Variants in CARD14 observed in about 807,000 individuals in gnomAD.
The protein encoded by CARD14 is caspase recruitment domain family member 14.
In CARD14, 107 loss-of-function variants were observed where a neutral mutation model predicts 111.5. That is an observed-to-expected ratio of 0.96 (90% CI 0.82 to 1.13). The LOEUF (loss-of-function observed/expected upper bound fraction) is 1.13. CARD14 is among the 50% of genes most tolerant of loss of function. The probability of loss-of-function intolerance (pLI) is 0.00; values close to 1 mark genes in which losing one functional copy is unlikely to be tolerated. For synonymous variants in CARD14, 617 were observed against 579.6 expected, an observed-to-expected ratio of 1.06 and a Z score of -0.93; for missense variants, 1,322 against 1,362.3, an observed-to-expected ratio of 0.97 and a Z score of 0.47.
At position 80,195,727 on chromosome 17, in the gene CARD14, G is replaced by A. The variant is rs1377544651; in HGVS notation, c.1594+75G>A. On this transcript the variant is annotated intron_variant, in intron 14 of 23. Coordinates refer to ENST00000648509, the MANE Select transcript of CARD14 (RefSeq NM_001366385.1). The surrounding 1 kb of genome is among the most constrained non-coding windows in gnomAD (Gnocchi z 4.7). ...AGAGCAGGGAGCTGATGAGAAAGCC[G>A]GGGCCTCTCTCCAGGGAAAGGGCAG... The A allele has an allele frequency of 2.6e-5, 33 of 1,258,934 alleles. No individual in the cohort carries two copies. Among genetic ancestry groups the A allele is most frequent in the South Asian group, 1.2e-4 (9 of 75,554 alleles). The allele number at this position is 1,258,934 out of a possible 1,614,324, so 78.0% of individuals were successfully genotyped here. A position where few individuals can be genotyped will look rare whatever the true frequency, so the allele number is the denominator to read the frequency against.
chr17:80,191,308 C>G lies in CARD14; in HGVS notation c.1090-15C>G, dbSNP rs377287985. 2 of 1,602,792 alleles carry G rather than the reference C, an allele frequency of 1.2e-6. No homozygotes were observed. The highest frequency in any genetic ancestry group is 1.7e-6 in the Non-Finnish European group (2 of 1,170,804). On this transcript the variant is annotated splice_polypyrimidine_tract_variant and intron_variant, in intron 10 of 23. Transcript: ENST00000648509. ...GGTGATGGCGCGGCCTCCTTACTCC[C>G]GTCGTGGCCCACAGGCGTACTCCGC...
At position 80,195,490 on chromosome 17, in the gene CARD14, C is replaced by A; in HGVS notation, c.1500-68C>A. On this transcript the variant is annotated intron_variant, in intron 13 of 23. Transcript: ENST00000648509. The surrounding 1 kb of genome is among the most constrained non-coding windows in gnomAD (Gnocchi z 4.7). ...AGCTGGCAGGTGCTGGGGGCCAGTG[C>A]TTGGGGCGTGGGGACTCAGAGGGAG... 6.5e-7 allele frequency: 1 copy of A among 1,529,370 alleles called. No homozygotes were observed. 94.7% of individuals were successfully genotyped at this position (1,529,370 alleles called of 1,614,324 possible).
chr17:80,208,423 C>G lies in CARD14; in HGVS notation c.*78C>G. On this transcript the variant is annotated 3_prime_UTR_variant, in exon 24 of 24. Coordinates refer to ENST00000648509, the MANE Select transcript of CARD14 (RefSeq NM_001366385.1). ...AGTCCTGTTCCTCAGCCCAGGCCCTCTTGGCACAGCTGTGGGCTCCTTGGC... is the reference window on the plus strand; with the variant it reads ...AGTCCTGTTCCTCAGCCCAGGCCCTGTTGGCACAGCTGTGGGCTCCTTGGC... 1 of 1,326,116 alleles carries G rather than the reference C, an allele frequency of 7.5e-7. No homozygotes were observed. Among genetic ancestry groups the G allele is most frequent in the Non-Finnish European group, 1.0e-6 (1 of 980,250 alleles). 82.1% of individuals were successfully genotyped at this position (1,326,116 alleles called of 1,614,324 possible).
rs1024390689 is a variant in CARD14, at chr17:80,182,531, C to G, written c.212-122C>G. 4.2e-6 allele frequency: 5 copies of G among 1,201,076 alleles called. No homozygotes were observed. The African/African-American group carries it at 7.7e-5, about 18-fold the overall frequency. The allele number at this position is 1,201,076 out of a possible 1,614,324, so 74.4% of individuals were successfully genotyped here. A position where few individuals can be genotyped will look rare whatever the true frequency, so the allele number is the denominator to read the frequency against. On this transcript the variant is annotated intron_variant, in intron 5 of 23. Coordinates refer to ENST00000648509, the MANE Select transcript of CARD14 (RefSeq NM_001366385.1). This position sits in a 1 kb window ranked among gnomAD's most constrained non-coding sequence, Gnocchi z 4.7. ...AACCCAGAAAACCGCTTTCACCTCC[C>G]GATTCTTACATGTGCGGGGGGTTTC...
intron 2 of CARD14, among the ~76,000 whole-genome samples, chr17:80,176,919 C>T (rs1389678942): frequency 6.6e-6 from 1 of 152,158 alleles, no homozygotes; most frequent in East Asian, 1.9e-4. Flanking sequence ...TGGAGATGGA[C>T]GGACAATTTC....
intron 23 of CARD14, 111 bp from the exon 24 acceptor site, chr17:80,208,027 G>A (rs540795217): frequency 1.7e-5 from 13 of 758,564 alleles, no homozygotes; most frequent in East Asian, 1.1e-4. Context: ...CCCTCAAAGC[G>A]AGGCCACCTG....
At position 80,203,826 on chromosome 17, in the gene CARD14, C is replaced by T; in HGVS notation, c.2224C>T (p.Gln742Ter). ...HGTIPNYSRAQQQLIALIQDM... is the reference protein window; with the variant it reads ...HGTIPNYSRA ...GGCCTCTGCTGGTCTCTGCAGGGCT[C>T]AGCAGCAGCTCATAGCCCTCATCCA... The change falls in exon 19 of 24, where the codon CAG becomes TAG. Residue 742 changes from glutamine to a stop codon, truncating the protein, a stop_gained. Transcript: ENST00000648509. LOFTEE classifies it high-confidence loss of function. The surrounding 1 kb of genome is among the most constrained non-coding windows in gnomAD (Gnocchi z 4.6). 1 of 1,576,968 alleles carries T rather than the reference C, an allele frequency of 6.3e-7. No individual in the cohort carries two copies.
In CARD14 at chr17:80,208,582, T is replaced by C. The variant is rs139108944; in HGVS notation, c.*237T>C. On this transcript the variant is annotated 3_prime_UTR_variant, in exon 24 of 24. Coordinates refer to ENST00000648509, the MANE Select transcript of CARD14 (RefSeq NM_001366385.1). ...TCTTCACCCTTTACCAGGCTTGGCA[T>C]GGTCTGAACTGGAAACCCTGAGAAT... The C allele has an allele frequency of 1.1e-5, 5 of 460,772 alleles. No homozygotes were observed. Among genetic ancestry groups the C allele is most frequent in the Admixed American group, 8.2e-5 (2 of 24,522 alleles). 28.5% of individuals were successfully genotyped at this position (460,772 alleles called of 1,614,324 possible). A position where few individuals can be genotyped will look rare whatever the true frequency, so the allele number is the denominator to read the frequency against.
Position 80,181,465 on chromosome 17 carries a change from C to G in CARD14, c.27C>G (p.Ser9=). The stretch of plus-strand genomic sequence containing the variant: ...TGGGGGAACTGTGCCGCAGGGACTC[C>G]GCACTCACGGCACTGGACGAGGAGA... MGELCRRD[S]ALTALDEETL... Residue 9 remains serine (S), a synonymous_variant, in exon 5 of 24, where the codon TCC becomes TCG. Transcript: ENST00000648509. 1 of 1,581,784 alleles carries G rather than the reference C, an allele frequency of 6.3e-7. No individual in the cohort carries two copies. The highest frequency in any genetic ancestry group is 8.6e-7 in the Non-Finnish European group (1 of 1,163,750).
rs971020345 is a variant in CARD14, at chr17:80,188,416, G to A, written c.715G>A (p.Val239Ile). Reference sequence around the variant, plus strand: ...GCAGGAGCTGCAGCGAGCCAACATGGTTTCCTCCTGTGAGCTGGAATTGCA... The same window carrying A: ...GCAGGAGCTGCAGCGAGCCAACATGATTTCCTCCTGTGAGCTGGAATTGCA... Reference protein sequence around the residue: ...LKQELQRANMVSSCELELQEQ... With the variant: ...LKQELQRANMISSCELELQEQ... The change falls in exon 8 of 24, where the codon GTT becomes ATT. Residue 239 changes from valine to isoleucine, a missense_variant. By Grantham distance (29) the Val-to-Ile change is conservative. Transcript: ENST00000648509. This position sits in a 1 kb window ranked among gnomAD's most constrained non-coding sequence, Gnocchi z 4.5. 2 of 1,610,404 alleles carry A rather than the reference G, an allele frequency of 1.2e-6. No individual in the cohort carries two copies. The highest frequency in any genetic ancestry group is 1.1e-5 in the South Asian group (1 of 90,274).
chr17:80,189,775 A>T lies in CARD14; in HGVS notation c.866A>T (p.Gln289Leu). ...FSLAEKDILE[Q>L]SLDEARGSRQ... The stretch of plus-strand genomic sequence containing the variant: ...CAGGCGGAGAAGGACATTCTGGAGC[A>T]GAGCCTGGACGAGGCGCGGGGGAGC... Residue 289 changes from glutamine (Q) to leucine (L), a missense_variant, in exon 9 of 24, where the codon CAG becomes CTG. By Grantham distance (113) the Gln-to-Leu change is moderately radical. Transcript: ENST00000648509. This position sits in a 1 kb window ranked among gnomAD's most constrained non-coding sequence, Gnocchi z 4.7. 1 of 1,585,080 alleles carries T rather than the reference A, an allele frequency of 6.3e-7. No homozygotes were observed. Among genetic ancestry groups the T allele is most frequent in the Non-Finnish European group, 8.6e-7 (1 of 1,169,382 alleles).
In CARD14 at chr17:80,188,368, A is replaced by G. The variant is rs775431566; in HGVS notation, c.676-9A>G. 9 of 1,605,204 alleles carry G rather than the reference A, an allele frequency of 5.6e-6. No homozygotes were observed. Among genetic ancestry groups the G allele is most frequent in the Middle Eastern group, 1.7e-4 (1 of 6,042 alleles). On this transcript the variant is annotated splice_polypyrimidine_tract_variant and intron_variant, in intron 7 of 23. Transcript: ENST00000648509. The surrounding 1 kb of genome is among the most constrained non-coding windows in gnomAD (Gnocchi z 4.5). ...CCATCGCCCTTCCTGTCGCCTCCCC[A>G]CCGCACAGCTGTATCTACTGAAGCA...
In CARD14 at chr17:80,182,154, G is replaced by A. The variant is rs2040195290; in HGVS notation, c.212-499G>A. 6.6e-6 allele frequency among the ~76,000 whole-genome samples: 1 copy of A among 152,200 alleles called. No individual in the cohort carries two copies. Among genetic ancestry groups the A allele is most frequent in the African/African-American group, 2.4e-5 (1 of 41,456 alleles). Reference sequence around the variant, plus strand: ...AACACAGGAGAGATTGATGCACGCTGGTCATTCTGGCTGAGAGAGATGGGC... The same window carrying A: ...AACACAGGAGAGATTGATGCACGCTAGTCATTCTGGCTGAGAGAGATGGGC... On this transcript the variant is annotated intron_variant, in intron 5 of 23. Transcript: ENST00000648509. The surrounding 1 kb of genome is among the most constrained non-coding windows in gnomAD (Gnocchi z 4.7).
chr17:80,175,909 G>A (rs1374347830), intron 2 of CARD14, among the ~76,000 whole-genome samples: 1 of 148,506 alleles, frequency 6.7e-6, no homozygotes, highest in Admixed American at 6.7e-5. Flanking sequence ...GGATGAGAGA[G>A]GGAAGCAGGA....
At chr17:80,190,626 A>AG (rs898407545) in intron 9 of CARD14, 148 bp from the exon 10 acceptor site, 18 of 840,134 alleles carry the variant, frequency 2.1e-5, no homozygotes, top group African/African-American at 5.3e-5. Context: ...AAAAAAAAAA[A>AG]AAAGAGAGAG....
At chr17:80,184,807 T>G (rs2144195450) in intron 7 of CARD14, among the ~76,000 whole-genome samples, 1 of 118,402 alleles carries the variant, frequency 8.4e-6, no homozygotes, top group East Asian at 2.6e-4. Context: ...TCCTTTGTCC[T>G]TCTCAGCTGG....
At chr17:80,185,140 A>G (rs1017027384) in intron 7 of CARD14, among the ~76,000 whole-genome samples, 2 of 152,140 alleles carry the variant, frequency 1.3e-5, no homozygotes, top group African/African-American at 2.4e-5. Context: ...CTACAGCCTT[A>G]AACTCCTGAG....
rs754253068 is a variant in CARD14, at chr17:80,191,334, G to A, written c.1101G>A (p.Ala367=). The A allele has an allele frequency of 1.7e-5, 27 of 1,613,074 alleles. No homozygotes were observed. The highest frequency in any genetic ancestry group is 3.3e-4 in the Middle Eastern group (2 of 6,084). Residue 367 remains alanine, a synonymous_variant, in exon 11 of 24, where the codon GCG becomes GCA. Coordinates refer to ENST00000648509, the MANE Select transcript of CARD14 (RefSeq NM_001366385.1). The part of the protein sequence containing the change: ...LQKERDQAYS[A]RDSAQREISQ... The stretch of plus-strand genomic sequence containing the variant: ...GTCGTGGCCCACAGGCGTACTCCGC[G>A]AGGGACAGTGCTCAGAGGGAGATTT...
rs913481311 is a variant in CARD14, at chr17:80,198,289, G to C, written c.1659-110G>C. On this transcript the variant is annotated intron_variant, in intron 15 of 23. Coordinates refer to ENST00000648509, the MANE Select transcript of CARD14 (RefSeq NM_001366385.1). This position sits in a 1 kb window ranked among gnomAD's most constrained non-coding sequence, Gnocchi z 7.5. ...CTTTCCAAGCACATGGGGCCATGGA[G>C]GGGGAGGAGAATTCCAGAACACTGG... 11 of 1,565,122 alleles carry C rather than the reference G, an allele frequency of 7.0e-6. No individual in the cohort carries two copies. The highest frequency in any genetic ancestry group is 2.3e-5 in the East Asian group (1 of 44,158).
Sources: allele counts gnomAD v4.1 joint callset (sites outside exome capture counted in the v4.1 genomes callset), GRCh38; gene constraint gnomAD v4.1.1; non-coding constraint Gnocchi (gnomAD v3.1); transcripts MANE v1.5; gene names NCBI Gene and HGNC (gene_info 2026-07-23, HGNC 2026-07-21).